NCOA3: variants seen among roughly 807,000 people sequenced by gnomAD.
The protein encoded by NCOA3 is nuclear receptor coactivator 3, also known as CBP-interacting protein.
In NCOA3, 51 loss-of-function variants were observed where a neutral mutation model predicts 158.8. That is an observed-to-expected ratio of 0.32 (90% CI 0.26 to 0.41). NCOA3 has a LOEUF of 0.41. Ranked by LOEUF, NCOA3 falls within the 10% of genes least tolerant of loss-of-function variation. The pLI is 1.00. For synonymous variants in NCOA3, 537 were observed against 592.4 expected (o/e 0.91, Z 1.36); for missense variants, 1,510 against 1,746.6 (o/e 0.86, Z 2.41).
At chr20:47,589,407 G>A (rs553809458) in intron 2 of NCOA3, among the ~76,000 whole-genome samples, 1 of 151,426 alleles carries the variant, frequency 6.6e-6, no homozygotes, top group East Asian at 2.0e-4. Context: ...ATAGAGTCTC[G>A]CTCTGTCACT....
chr20:47,584,255 A>G (rs1226181975), intron 2 of NCOA3, among the ~76,000 whole-genome samples: 1 of 152,214 alleles, frequency 6.6e-6, no homozygotes, highest in Non-Finnish European at 1.5e-5. Flanking sequence ...TGACTGCACC[A>G]CTACACTTCA....
chr20:47,530,240 T>C (rs2084522846), intron 1 of NCOA3, among the ~76,000 whole-genome samples: 1 of 152,238 alleles, frequency 6.6e-6, no homozygotes, highest in African/African-American at 2.4e-5. Context: ...GTTTTGATTG[T>C]TTTATTTCAG....
At chr20:47,547,584 T>TTG (rs1474920260) in intron 1 of NCOA3, among the ~76,000 whole-genome samples, 1 of 151,672 alleles carries the variant, frequency 6.6e-6, no homozygotes, top group Non-Finnish European at 1.5e-5. Context: ...GACTAATTTT[T>TTG]TGTGTGTGTG....
In NCOA3 at chr20:47,639,750, T is replaced by C. The variant is rs779779995; in HGVS notation, c.2881T>C (p.Leu961=). 2 of 1,614,092 alleles carry C rather than the reference T, an allele frequency of 1.2e-6. No homozygotes were observed. The highest frequency in any genetic ancestry group is 1.6e-4 in the Middle Eastern group (1 of 6,084). The part of the protein sequence containing the change: ...RPALGGSIPT[L]PLRSNSIPGA... ...TGCACTGGGTGGCTCTATTCCCACA[T>C]TGCCTCTTCGGTCTAATAGCATACC... The change falls in exon 15 of 23, where the codon TTG becomes CTG. Residue 961 remains leucine (L), a synonymous_variant. Coordinates refer to ENST00000371998, the MANE Select transcript of NCOA3 (RefSeq NM_181659.3).
chr20:47,525,861 C>T (rs1404264603), intron 1 of NCOA3, among the ~76,000 whole-genome samples: 3 of 133,816 alleles, frequency 2.2e-5, no homozygotes, highest in African/African-American at 8.5e-5. Context: ...CCCTCACTTC[C>T]CGGATGGGGC....
intron 1 of NCOA3, among the ~76,000 whole-genome samples, chr20:47,526,709 C>T (rs2084457969): frequency 6.6e-6 from 1 of 152,108 alleles, no homozygotes; most frequent in Non-Finnish European, 1.5e-5. Flanking sequence ...GAGATGGCAG[C>T]AGTACCGTCC....
rs1443174353 is a variant in NCOA3 at position 47,622,341 on chromosome 20, T to G, written c.83+11T>G. The G allele has an allele frequency of 1.3e-6, 2 of 1,548,838 alleles. No individual in the cohort carries two copies. The highest frequency in any genetic ancestry group is 1.8e-6 in the Non-Finnish European group (2 of 1,137,128). On this transcript the variant is annotated intron_variant, in intron 3 of 22. Transcript: ENST00000371998. ...TACTCCAGGACAAGGGTAGGTGACTTATTTCCTGGTGCTTTACCACACTTG... is the reference window on the plus strand; with the variant it reads ...TACTCCAGGACAAGGGTAGGTGACTGATTTCCTGGTGCTTTACCACACTTG...
rs545894612 is a variant in NCOA3 at position 47,512,584 on chromosome 20, A to C, written c.-99+10565A>C. ...TCTGTCTCACTAAAAAAAAAAAAAA[A>C]AAAAACACAAAAGATATATACAGAG... is the stretch of plus-strand genomic sequence containing the variant. On this transcript the variant is annotated intron_variant, in intron 1 of 22. Coordinates refer to ENST00000371998, the MANE Select transcript of NCOA3 (RefSeq NM_181659.3). Among the ~76,000 whole-genome samples the C allele has an allele frequency of 6.9e-3, 1,052 of 151,618 alleles. 21 individuals are homozygous for C. The highest frequency in any genetic ancestry group is 0.024 in the African/African-American group (996 of 41,224).
At chr20:47,641,345 TGAGACGGAA>T (rs2086604764) in intron 16 of NCOA3, among the ~76,000 whole-genome samples, 1 of 131,516 alleles carries the variant, frequency 7.6e-6, no homozygotes, top group Admixed American at 7.6e-5. Flanking sequence ...TTTTTTTTTT[TGAGACGGAA>T]TCTGGCTCTG....
chr20:47,538,026 C>T (rs2084662826), intron 1 of NCOA3, among the ~76,000 whole-genome samples: 1 of 151,918 alleles, frequency 6.6e-6, no homozygotes, highest in Non-Finnish European at 1.5e-5. Context: ...ATTACAGGTG[C>T]CTGCCACCAT....
chr20:47,625,342 A>T (rs1447852378), intron 4 of NCOA3, 39 bp from the exon 5 acceptor site: 11 of 1,358,064 alleles, frequency 8.1e-6, no homozygotes, highest in Non-Finnish European at 1.1e-5. Flanking sequence ...TCTATAACTG[A>T]TAGTGTGTTA....
chr20:47,557,613 A>G (rs2085027667), intron 1 of NCOA3, among the ~76,000 whole-genome samples: 3 of 152,164 alleles, frequency 2.0e-5, no homozygotes, highest in Non-Finnish European at 4.4e-5. Flanking sequence ...TTTTCCTTCA[A>G]ATTAAGTAAT....
chr20:47,521,668 A>G (rs79972132), intron 1 of NCOA3, among the ~76,000 whole-genome samples: 14 of 97,374 alleles, frequency 1.4e-4, no homozygotes, highest in Non-Finnish European at 3.0e-4. Context: ...TCAGAGTGGA[A>G]CAGGTAATCA....
intron 1 of NCOA3, among the ~76,000 whole-genome samples, chr20:47,547,829 C>T (rs561194742): frequency 6.6e-6 from 1 of 152,074 alleles, no homozygotes; most frequent in African/African-American, 2.4e-5. Context: ...GATTGTCGTG[C>T]CTTAGCCTCC....
chr20:47,648,329 A>C (rs1230156605), intron 18 of NCOA3, among the ~76,000 whole-genome samples: 1 of 152,172 alleles, frequency 6.6e-6, no homozygotes, highest in African/African-American at 2.4e-5. Context: ...TTTCTTCACT[A>C]AAAGTCATTT....
At chr20:47,581,852 A>T (rs2085458685) in intron 1 of NCOA3, among the ~76,000 whole-genome samples, 1 of 152,186 alleles carries the variant, frequency 6.6e-6, no homozygotes, top group African/African-American at 2.4e-5. Context: ...TTTCCTTGCT[A>T]ATATTTTGTT....
At chr20:47,628,874 C>T (rs1243541139) in intron 8 of NCOA3, 3 of 152,158 alleles carry the variant, frequency 2.0e-5, no homozygotes, top group Non-Finnish European at 4.4e-5. Context: ...CTTATGGTCA[C>T]CTAAGTGTAA....
rs759317681 is a variant in NCOA3 at position 47,639,125 on chromosome 20, C to G, written c.2630C>G (p.Pro877Arg). 8 of 1,614,000 alleles carry G rather than the reference C, an allele frequency of 5.0e-6. No individual in the cohort carries two copies. The highest frequency in any genetic ancestry group is 6.8e-6 in the Non-Finnish European group (8 of 1,180,032). Reference sequence around the variant, plus strand: ...CCAGTAAAAAATATCAGTGCTTTCCCCATGTTACCAAAGCAACCCATGTTG... The same window carrying G: ...CCAGTAAAAAATATCAGTGCTTTCCGCATGTTACCAAAGCAACCCATGTTG... ...SPPVKNISAF[P>R]MLPKQPMLGG... Residue 877 changes from proline to arginine, a missense_variant, in exon 14 of 23, where the codon CCC becomes CGC. Transcript: ENST00000371998.
At chr20:47,585,720 A>C (rs1056352967) in intron 2 of NCOA3, among the ~76,000 whole-genome samples, 3 of 152,136 alleles carry the variant, frequency 2.0e-5, no homozygotes, top group Admixed American at 6.5e-5. Context: ...AGCCAAGCTT[A>C]TGTTGTGCTC....
Sources: allele counts gnomAD v4.1 joint callset (sites outside exome capture counted in the v4.1 genomes callset), GRCh38; gene constraint gnomAD v4.1.1; transcripts MANE v1.5; gene names NCBI Gene and HGNC (gene_info 2026-07-23, HGNC 2026-07-21).